Variants in GBF1 observed in about 807,000 individuals in gnomAD.
GBF1 encodes the protein Golgi-specific brefeldin A-resistance guanine nucleotide exchange factor 1.
GBF1 carries 114 observed loss-of-function variants against 210.5 expected under a neutral mutation model. That is an observed-to-expected ratio of 0.54 (90% confidence interval 0.47 to 0.63). GBF1 has a LOEUF of 0.63. GBF1 is among the 30% of genes least tolerant of loss of function. GBF1 has a pLI of 0.00. For missense variants in GBF1, 1,851 were observed against 2,357.7 expected (o/e 0.79, Z 4.45); for synonymous variants, 850 against 889.2 (o/e 0.96, Z 0.78).
the GBF1 span, chr10:102,231,666 G>A: frequency 6.2e-7 from 1 of 1,612,490 alleles, no homozygotes; most frequent in Non-Finnish European, 8.5e-7. Context: ...GGTTCCTCTG[G>A]AAGGTCGCCT....
At chr10:102,262,514 T>TTA (rs1342196978) in intron 3 of GBF1, among the ~76,000 whole-genome samples, 1 of 152,214 alleles carries the variant, frequency 6.6e-6, no homozygotes, top group Non-Finnish European at 1.5e-5. Flanking sequence ...GGTAAACATC[T>TTA]TATACACAGT....
Position 102,361,909 on chromosome 10 carries a change from C to T in GBF1, c.1683C>T (p.Ser561=). 6.3e-7 allele frequency: 1 copy of T among 1,596,392 alleles called. No homozygotes were observed. Among genetic ancestry groups the T allele is most frequent in the Non-Finnish European group, 8.5e-7 (1 of 1,169,964 alleles). ...TTGAGGAACTCACAAAGCTGCTGTCCAAGGTGCTGAGCACTATAACTGGCT... is the reference window on the plus strand; with the variant it reads ...TTGAGGAACTCACAAAGCTGCTGTCTAAGGTGCTGAGCACTATAACTGGCT... ...NLFEELTKLL[S]KNAFPVSGQL... is the part of the protein sequence containing the mutation. Residue 561 remains serine (S), a synonymous_variant, in exon 14 of 40, where the codon TCC becomes TCT. Coordinates refer to ENST00000369983, the MANE Select transcript of GBF1 (RefSeq NM_001377137.1).
chr10:102,268,194 T>A (rs2074055887), intron 3 of GBF1, among the ~76,000 whole-genome samples: 1 of 152,238 alleles, frequency 6.6e-6, no homozygotes, highest in African/African-American at 2.4e-5. Context: ...ATGAAGACTC[T>A]TGAGAAGAAA....
chr10:102,374,505 C>G (rs7916805), intron 29 of GBF1, among the ~76,000 whole-genome samples: 2 of 151,686 alleles, frequency 1.3e-5, no homozygotes, highest in African/African-American at 4.8e-5. Context: ...GGATCACTTG[C>G]GCCCAGGAGT....
chr10:102,270,585 TATCA>T (rs2074312984), intron 3 of GBF1, among the ~76,000 whole-genome samples: 1 of 152,222 alleles, frequency 6.6e-6, no homozygotes, highest in Non-Finnish European at 1.5e-5. Flanking sequence ...ATATGTGTAT[TATCA>T]TTTTTTTCAT....
intron 3 of GBF1, among the ~76,000 whole-genome samples, chr10:102,304,489 A>T: frequency 6.6e-6 from 1 of 152,068 alleles, no homozygotes; most frequent in East Asian, 1.9e-4. Context: ...ATTAGGTAAA[A>T]GGGGCCGGGC....
At chr10:102,233,629 A>G in the GBF1 span, among the ~76,000 whole-genome samples, 1 of 151,854 alleles carries the variant, frequency 6.6e-6, no homozygotes, top group Non-Finnish European at 1.5e-5. Flanking sequence ...TTCTGAAGAG[A>G]TTTCATTTGA....
At chr10:102,254,896 G>A (rs2072115966) in intron 1 of GBF1, among the ~76,000 whole-genome samples, 1 of 152,208 alleles carries the variant, frequency 6.6e-6, no homozygotes, top group African/African-American at 2.4e-5. Flanking sequence ...TGGCTACCAG[G>A]CAGCAAGTGG....
Position 102,382,216 on chromosome 10 carries a change from C to T in GBF1, c.5463C>T (p.Gly1821=), listed in dbSNP as rs780369475. Residue 1821 remains glycine (G), a synonymous_variant, in exon 40 of 40, where the codon GGC becomes GGT. Transcript: ENST00000369983. The part of the protein sequence containing the change: ...LQPLASPLQV[G]VPPMTLPIIL... Reference sequence around the variant, plus strand: ...CCTTGGCCTCCCCACTGCAGGTGGGCGTGCCACCTATGACTCTGCCCATCA... The same window carrying T: ...CCTTGGCCTCCCCACTGCAGGTGGGTGTGCCACCTATGACTCTGCCCATCA... 3.1e-6 allele frequency: 5 copies of T among 1,613,766 alleles called. No individual in the cohort carries two copies. Among genetic ancestry groups the T allele is most frequent in the South Asian group, 1.1e-5 (1 of 91,080 alleles).
chr10:102,265,891 C>G (rs2073813081), intron 3 of GBF1, among the ~76,000 whole-genome samples: 1 of 152,024 alleles, frequency 6.6e-6, no homozygotes, highest in African/African-American at 2.4e-5. Flanking sequence ...CTTTTTAGCT[C>G]TGAGGACCTA....
intron 3 of GBF1, among the ~76,000 whole-genome samples, chr10:102,335,201 TG>T (rs1315660715): frequency 6.6e-6 from 1 of 152,192 alleles, no homozygotes; most frequent in African/African-American, 2.4e-5. Context: ...TTTTCTCCAA[TG>T]GGGGGTTAGA....
intron 3 of GBF1, among the ~76,000 whole-genome samples, chr10:102,322,593 T>C (rs1224119310): frequency 1.3e-5 from 2 of 151,898 alleles, no homozygotes; most frequent in African/African-American, 2.4e-5. Context: ...CTAGTGTTAG[T>C]AGTTCTCCTT....
chr10:102,377,174 C>T, intron 33 of GBF1, 34 bp downstream of exon 33: 2 of 1,547,892 alleles, frequency 1.3e-6, no homozygotes, highest in Non-Finnish European at 1.8e-6. Context: ...CTCTCCTCCC[C>T]TGCACCTGAT....
At chr10:102,262,716 A>T (rs2073389312) in intron 3 of GBF1, among the ~76,000 whole-genome samples, 1 of 152,144 alleles carries the variant, frequency 6.6e-6, no homozygotes, top group Admixed American at 6.5e-5. Flanking sequence ...ATGTCCCAAG[A>T]TTTTACCTCA....
chr10:102,368,522 C>G (rs969888006), intron 22 of GBF1, 68 bp downstream of exon 22: 6 of 969,662 alleles, frequency 6.2e-6, no homozygotes, highest in African/African-American at 3.2e-5. Flanking sequence ...TTTCTCCATG[C>G]CTCTCTGACT....
intron 3 of GBF1, among the ~76,000 whole-genome samples, chr10:102,276,441 G>A (rs1001972999): frequency 9.3e-5 from 14 of 150,400 alleles, no homozygotes; most frequent in Non-Finnish European, 7.4e-5. Flanking sequence ...CAGGAGAATC[G>A]CTTGAACCTG....
At position 102,359,288 on chromosome 10, in the gene GBF1, A is replaced by G; in HGVS notation, c.1033A>G (p.Lys345Glu). 6.2e-7 allele frequency: 1 copy of G among 1,612,656 alleles called. No homozygotes were observed. Among genetic ancestry groups the G allele is most frequent in the Non-Finnish European group, 8.5e-7 (1 of 1,178,726 alleles). Residue 345 changes from lysine to glutamate, a missense_variant, in exon 11 of 40, where the codon AAG becomes GAG. This residue lies in a region of GBF1 where 804 missense variants were observed against 958.6 expected (regional missense o/e 0.84). Transcript: ENST00000369983. ...DLQQEGTHVE[K>E]SQSASVESIP... ...ATAGCAGGAAGGGACCCATGTGGAA[A>G]AGTCCCAGTCAGCATCTGTGGAGTC...
chr10:102,232,390 T>C, the GBF1 span, among the ~76,000 whole-genome samples: 2 of 152,152 alleles, frequency 1.3e-5, no homozygotes, highest in South Asian at 4.1e-4. Context: ...TTAATAAAAA[T>C]GTAGACTATA....
Position 102,382,754 on chromosome 10 carries a change from T to G in GBF1, c.*418T>G. The G allele has an allele frequency of 2.4e-5, 4 of 169,442 alleles. No individual in the cohort carries two copies. Among genetic ancestry groups the G allele is most frequent in the East Asian group, 1.7e-4 (1 of 5,804 alleles). The allele number at this position is 169,442 out of a possible 1,614,324, so 10.5% of individuals were successfully genotyped here. The stretch of plus-strand genomic sequence containing the variant: ...AGTTCTTCCTCTTTTACTAATTAGT[T>G]GGTCAGTTTGGAGAGTTGACTGGCA... On this transcript the variant is annotated 3_prime_UTR_variant, in exon 40 of 40. Coordinates refer to ENST00000369983, the MANE Select transcript of GBF1 (RefSeq NM_001377137.1).
Sources: allele counts gnomAD v4.1 joint callset (sites outside exome capture counted in the v4.1 genomes callset), GRCh38; gene constraint gnomAD v4.1.1; regional missense constraint gnomAD v4.1.1; transcripts MANE v1.5; gene names NCBI Gene and HGNC (gene_info 2026-07-23, HGNC 2026-07-21).